The following ANXA13 variants were observed in gnomAD, a reference collection of about 807,000 sequenced individuals.
ANXA13 encodes the protein annexin XIII.
A neutral mutation model predicts 46.6 loss-of-function variants in ANXA13; 36 were observed. The ratio of observed to expected loss-of-function variants is 0.77; its 90% CI spans 0.59 to 1.02. The LOEUF is 1.02. Ranked by LOEUF, ANXA13 falls within the 50% of genes least tolerant of loss-of-function variation. ANXA13 has a pLI of 0.00. For missense variants in ANXA13, 417 were observed against 396.5 expected (o/e 1.05, Z -0.44); for synonymous variants, 163 against 152.9 (o/e 1.07, Z -0.49).
At chr8:123,737,019 T>G (rs943252679) in intron 1 of ANXA13, among the ~76,000 whole-genome samples, 1 of 136,680 alleles carries the variant, frequency 7.3e-6, no homozygotes, top group South Asian at 2.1e-4. Flanking sequence ...TAGCTAACTT[T>G]TTTTTTTTTT....
chr8:123,708,568 T>C (rs556633284), intron 2 of ANXA13, among the ~76,000 whole-genome samples: 11 of 152,098 alleles, frequency 7.2e-5, no homozygotes, highest in South Asian at 2.1e-4. Context: ...GAAATGGGAG[T>C]GCAAGGAAGA....
rs187555041 is a variant in ANXA13, at chr8:123,732,899, G to T, written c.15+4421C>A. Among the ~76,000 whole-genome samples the T allele has an allele frequency of 2.3e-3, 345 of 152,302 alleles. 4 individuals are homozygous for T. The highest frequency in any genetic ancestry group is 7.8e-3 in the African/African-American group (323 of 41,572). On this transcript the variant is annotated intron_variant, in intron 1 of 10. Coordinates refer to ENST00000419625, the MANE Select transcript of ANXA13 (RefSeq NM_004306.4). Reference sequence around the variant, plus strand: ...GATAATAGATTTCCTGAGGTCAAGTGCAGTGGCTCACACCTGTAATCCCAG... The same window carrying T: ...GATAATAGATTTCCTGAGGTCAAGTTCAGTGGCTCACACCTGTAATCCCAG...
At chr8:123,715,351 G>T (rs1380136831) in intron 1 of ANXA13, among the ~76,000 whole-genome samples, 7 of 152,246 alleles carry the variant, frequency 4.6e-5, no homozygotes, top group Non-Finnish European at 8.8e-5. Flanking sequence ...TCTAAGTGTG[G>T]AAGTGGCAAC....
chr8:123,704,049 G>T (rs1813495928), intron 2 of ANXA13, among the ~76,000 whole-genome samples: 2 of 152,148 alleles, frequency 1.3e-5, no homozygotes. Context: ...AGTATACAAG[G>T]CTATTGTGAG....
intron 1 of ANXA13, among the ~76,000 whole-genome samples, chr8:123,734,947 G>A (rs139399694): frequency 2.7e-4 from 41 of 151,864 alleles, no homozygotes; most frequent in African/African-American, 7.7e-4. Context: ...TGTGTAAGCC[G>A]AGAGAAGGTC....
At chr8:123,691,860 G>C (rs1813249389) in intron 8 of ANXA13, among the ~76,000 whole-genome samples, 1 of 152,150 alleles carries the variant, frequency 6.6e-6, no homozygotes, top group African/African-American at 2.4e-5. Flanking sequence ...CCTGGAGAGT[G>C]TACTTTCAGG....
At chr8:123,697,966 C>T (rs1813373797) in intron 4 of ANXA13, among the ~76,000 whole-genome samples, 2 of 152,208 alleles carry the variant, frequency 1.3e-5, no homozygotes, top group Admixed American at 6.5e-5. Context: ...GCACCACTCA[C>T]CTCTCTTCCT....
At chr8:123,687,524 A>G (rs78648029) in intron 9 of ANXA13, among the ~76,000 whole-genome samples, 21,116 of 152,254 alleles carry the variant, frequency 0.14, 1,906 homozygotes, top group Admixed American at 0.19. Flanking sequence ...AGTGTGGGTC[A>G]TGAGTAATGC....
chr8:123,731,989 G>A (rs191310314), intron 1 of ANXA13, among the ~76,000 whole-genome samples: 1 of 152,324 alleles, frequency 6.6e-6, no homozygotes, highest in Non-Finnish European at 1.5e-5. Context: ...AATCCAGCTT[G>A]GGGGGCAGGG....
intron 1 of ANXA13, among the ~76,000 whole-genome samples, chr8:123,726,921 G>A (rs1397840911): frequency 3.9e-5 from 6 of 152,214 alleles, no homozygotes; most frequent in African/African-American, 1.4e-4. Flanking sequence ...GATGGGATCG[G>A]AGAATACTAT....
chr8:123,735,664 G>A (rs1814245071), intron 1 of ANXA13: 1 of 1,391,388 alleles, frequency 7.2e-7, no homozygotes, highest in Non-Finnish European at 9.5e-7. Context: ...CTGGTGGAGG[G>A]TCCAACATGA....
At position 123,737,319 on chromosome 8, in the gene ANXA13, C is replaced by T. The variant is rs199676440; in HGVS notation, c.15+1G>A. The T allele has an allele frequency of 5.4e-5, 87 of 1,611,268 alleles. No homozygotes were observed. The highest frequency in any genetic ancestry group is 6.7e-5 in the Non-Finnish European group (79 of 1,178,462). On this transcript the variant is annotated splice_donor_variant, in intron 1 of 10. Coordinates refer to ENST00000419625, the MANE Select transcript of ANXA13 (RefSeq NM_004306.4). LOFTEE classifies it high-confidence loss of function. ...AATTCCCAAAGGCAATGAGTACTTA[C>T]ATGACGATTGCCCATTTTCCTTTTT...
At position 123,688,887 on chromosome 8, in the gene ANXA13, C is replaced by T. The variant is rs1165697293; in HGVS notation, c.702G>A (p.Lys234=). The T allele has an allele frequency of 2.5e-6, 4 of 1,613,782 alleles. No individual in the cohort carries two copies. Among genetic ancestry groups the T allele is most frequent in the African/African-American group, 1.3e-5 (1 of 74,908 alleles). ...TTACTTTACCGAGAGTTAAATAGGC[C>T]TTCTGCAAGTCGCCTGATGTTTCTT... ...IEEETSGDLQ[K]AYLTLVRCAQ... The change falls in exon 9 of 11, where the codon AAG becomes AAA. Residue 234 remains lysine, a synonymous_variant. Coordinates refer to ENST00000419625, the MANE Select transcript of ANXA13 (RefSeq NM_004306.4).
intron 1 of ANXA13, among the ~76,000 whole-genome samples, chr8:123,733,285 T>C (rs558682712): frequency 6.6e-6 from 1 of 152,328 alleles, no homozygotes; most frequent in East Asian, 1.9e-4. Context: ...TGCTAGGGCT[T>C]GATCATGGGT....
chr8:123,707,840 A>G (rs117674917), intron 2 of ANXA13, among the ~76,000 whole-genome samples: 3,182 of 152,130 alleles, frequency 0.021, 50 homozygotes, highest in Middle Eastern at 0.037. Context: ...AACTTAAAGT[A>G]TAATAATAAT....
chr8:123,717,712 T>G (rs1275037971), intron 1 of ANXA13, among the ~76,000 whole-genome samples: 2 of 152,262 alleles, frequency 1.3e-5, no homozygotes, highest in Non-Finnish European at 2.9e-5. Flanking sequence ...AGAACCTCTC[T>G]GTGCTGTACT....
chr8:123,688,827 A>G (rs764984607), intron 9 of ANXA13, 44 bp downstream of exon 9: 1 of 1,570,064 alleles, frequency 6.4e-7, no homozygotes, highest in South Asian at 1.1e-5. Context: ...GTCTGGTTCC[A>G]GGCAGCCCAA....
rs570548302 is a variant in ANXA13, at chr8:123,681,100, G to T, written c.*140C>A. Reference sequence around the variant, plus strand: ...GCCCTTAACTTACACAGCTTGGCCTGGCTGCGCCACTTAAGCTGCCAAGAA... The same window carrying T: ...GCCCTTAACTTACACAGCTTGGCCTTGCTGCGCCACTTAAGCTGCCAAGAA... On this transcript the variant is annotated 3_prime_UTR_variant, in exon 11 of 11. Coordinates refer to ENST00000419625, the MANE Select transcript of ANXA13 (RefSeq NM_004306.4). 1.2e-5 allele frequency: 15 copies of T among 1,215,658 alleles called. No homozygotes were observed. In the African/African-American group the frequency reaches 1.8e-4, roughly 15 times the overall value. The allele number at this position is 1,215,658 out of a possible 1,614,324, so 75.3% of individuals were successfully genotyped here.
At chr8:123,703,860 A>T (rs776178065) in intron 2 of ANXA13, among the ~76,000 whole-genome samples, 5 of 152,212 alleles carry the variant, frequency 3.3e-5, no homozygotes, top group Non-Finnish European at 7.3e-5. Context: ...CAGGATCGGA[A>T]AGATGACACA....
Sources: gnomAD v4.1 joint callset for allele counts (sites outside exome capture counted in the v4.1 genomes callset) on GRCh38, gnomAD v4.1.1 for gene constraint, MANE v1.5 for transcripts, NCBI Gene and HGNC (gene_info 2026-07-23, HGNC 2026-07-21) for gene names.